SYT7: variants seen among roughly 807,000 people sequenced by gnomAD.
The protein encoded by SYT7 is synaptotagmin 7.
In SYT7, 29 loss-of-function variants were observed where a neutral mutation model predicts 75.1. The ratio of observed to expected loss-of-function variants is 0.39; its 90% CI spans 0.29 to 0.53. The LOEUF is 0.53. Among genes scored for constraint, SYT7 ranks in the 20% least tolerant of loss-of-function variants. SYT7 has a pLI of 0.77. For missense variants in SYT7, 693 were observed against 953.2 expected (o/e 0.73, Z 3.59); for synonymous variants, 376 against 401.7 (o/e 0.94, Z 0.76).
chr11:61,546,350 G>T lies in SYT7; in HGVS notation c.348-95C>A. The T allele has an allele frequency of 1.3e-6, 1 of 787,722 alleles. No individual in the cohort carries two copies. Among genetic ancestry groups the T allele is most frequent in the Non-Finnish European group, 1.9e-6 (1 of 523,622 alleles). 48.8% of individuals were successfully genotyped at this position (787,722 alleles called of 1,614,324 possible). A position where few individuals can be genotyped will look rare whatever the true frequency, so the allele number is the denominator to read the frequency against. ...CATACGTGGGGGTCGGGGGGTGGAA[G>T]AGGAAGAAAAACAATAACAGATAAA... On this transcript the variant is annotated intron_variant, in intron 4 of 12. Coordinates refer to ENST00000539008, the MANE Select transcript of SYT7 (RefSeq NM_001365809.2). This position sits in a 1 kb window ranked among gnomAD's most constrained non-coding sequence, Gnocchi z 7.6.
intron 3 of SYT7, 40 bp from the exon 4 acceptor site, chr11:61,547,348 CAAG>C (rs934927663): frequency 3.3e-6 from 5 of 1,531,796 alleles, no homozygotes; most frequent in Admixed American, 4.0e-5. Flanking sequence ...CAGGGAGATA[CAAG>C]AAGAAACAAG....
At chr11:61,547,794 C>T (rs1198975209) in intron 3 of SYT7, among the ~76,000 whole-genome samples, 1 of 152,196 alleles carries the variant, frequency 6.6e-6, no homozygotes, top group East Asian at 1.9e-4. Flanking sequence ...CTCTCCTGGC[C>T]TCAGTTTCCC....
At position 61,571,184 on chromosome 11, in the gene SYT7, C is replaced by T. The variant is rs146950277; in HGVS notation, c.31+9606G>A. Reference sequence around the variant, plus strand: ...AAGAACCCTCTCAGCCCCTGCTTGGCGCCCCAGCGATGTGTGCCCATGTGC... The same window carrying T: ...AAGAACCCTCTCAGCCCCTGCTTGGTGCCCCAGCGATGTGTGCCCATGTGC... On this transcript the variant is annotated intron_variant, in intron 1 of 12. Transcript: ENST00000539008. Among the ~76,000 whole-genome samples the T allele has an allele frequency of 3.0e-3, 459 of 152,324 alleles. 1 individual carries two copies. The highest frequency in any genetic ancestry group is 4.5e-3 in the Non-Finnish European group (308 of 68,034).
intron 8 of SYT7, among the ~76,000 whole-genome samples, chr11:61,532,494 C>T (rs1048717754): frequency 3.3e-5 from 5 of 152,274 alleles, no homozygotes; most frequent in African/African-American, 9.6e-5. Context: ...TGGATTCCTG[C>T]TCTCCTGTTC....
intron 8 of SYT7, chr11:61,531,126 G>A: frequency 1.0e-6 from 1 of 985,434 alleles, no homozygotes; most frequent in Non-Finnish European, 1.2e-6. Context: ...GGTCACAGTG[G>A]GCTGATTCTG....
At chr11:61,528,973 G>A (rs774947891) in intron 8 of SYT7, among the ~76,000 whole-genome samples, 19 of 152,268 alleles carry the variant, frequency 1.2e-4, no homozygotes, top group Admixed American at 3.3e-4. Context: ...ATCTCATCCC[G>A]TTCTGACATT....
In SYT7 at chr11:61,517,414, G is replaced by C; in HGVS notation, c.*1213C>G. On this transcript the variant is annotated 3_prime_UTR_variant, in exon 13 of 13. Transcript: ENST00000539008. ...AGAAGGAGCTGCTCCCGGGGACCAGGGAGTGGGGAAGGGTGAGAAGACAGT... is the reference window on the plus strand; with the variant it reads ...AGAAGGAGCTGCTCCCGGGGACCAGCGAGTGGGGAAGGGTGAGAAGACAGT... 2.5e-6 allele frequency: 1 copy of C among 398,864 alleles called. No individual in the cohort carries two copies. 24.7% of individuals were successfully genotyped at this position (398,864 alleles called of 1,614,324 possible).
At chr11:61,565,600 G>C (rs1280644633) in intron 1 of SYT7, among the ~76,000 whole-genome samples, 1 of 152,066 alleles carries the variant, frequency 6.6e-6, no homozygotes, top group Non-Finnish European at 1.5e-5. Flanking sequence ...AGGCGAGAAG[G>C]AAAAAAGAAT....
chr11:61,515,510 T>A lies in SYT7; in HGVS notation c.*3117A>T, dbSNP rs1489605291. ...TCTTCATTTCTCTTCGCTGCAAAAT[T>A]TTTTTTTTTGTGATGGTGGGTTTTT... On this transcript the variant is annotated 3_prime_UTR_variant, in exon 13 of 13. Coordinates refer to ENST00000539008, the MANE Select transcript of SYT7 (RefSeq NM_001365809.2). The A allele has an allele frequency of 6.7e-6, 1 of 148,344 alleles. No individual in the cohort carries two copies. The highest frequency in any genetic ancestry group is 2.6e-5 in the African/African-American group (1 of 38,490). The allele number at this position is 148,344 out of a possible 1,614,324, so 9.2% of individuals were successfully genotyped here.
intron 1 of SYT7, among the ~76,000 whole-genome samples, chr11:61,563,687 G>T (rs1176817285): frequency 6.6e-6 from 1 of 152,070 alleles, no homozygotes; most frequent in Non-Finnish European, 1.5e-5. Context: ...ATGATGCTTT[G>T]CCTAGGCTGT....
rs991193166 is a variant in SYT7 at position 61,553,766 on chromosome 11, C to G, written c.136-2303G>C. On this transcript the variant is annotated intron_variant, in intron 2 of 12. Coordinates refer to ENST00000539008, the MANE Select transcript of SYT7 (RefSeq NM_001365809.2). This position sits in a 1 kb window ranked among gnomAD's most constrained non-coding sequence, Gnocchi z 5.2. Reference sequence around the variant, plus strand: ...GCCAGGCTGATCCGGAAAAAGCCAGCTGGAGATTAAGGAAGTTATTAATGT... The same window carrying G: ...GCCAGGCTGATCCGGAAAAAGCCAGGTGGAGATTAAGGAAGTTATTAATGT... Among the ~76,000 whole-genome samples the G allele has an allele frequency of 6.6e-6, 1 of 152,316 alleles. No homozygotes were observed. Among genetic ancestry groups the G allele is most frequent in the Middle Eastern group, 3.4e-3 (1 of 294 alleles).
At chr11:61,586,779 T>A in the SYT7 span, among the ~76,000 whole-genome samples, 1 of 152,076 alleles carries the variant, frequency 6.6e-6, no homozygotes, top group Non-Finnish European at 1.5e-5. Flanking sequence ...CTTTTGGGTG[T>A]GGGGGAAGAG....
chr11:61,525,592 C>A (rs980636812), intron 9 of SYT7: 1 of 152,038 alleles, frequency 6.6e-6, no homozygotes, highest in Non-Finnish European at 1.5e-5. Context: ...CCTTTTTTTC[C>A]GCAAAACATA....
At chr11:61,582,639 G>A (rs2064303920), upstream of SYT7, among the ~76,000 whole-genome samples, 1 of 152,200 alleles carries the variant, frequency 6.6e-6, no homozygotes, top group East Asian at 1.9e-4. Context: ...TCCTGGGAAT[G>A]AATGTTCTAC....
intron 6 of SYT7, 127 bp from the exon 7 acceptor site, chr11:61,538,393 G>GAA (rs2062943690): frequency 4.5e-6 from 3 of 666,154 alleles, no homozygotes; most frequent in African/African-American, 3.7e-5. Context: ...GAGAGAAAGA[G>GAA]AGAGAGAGAG....
chr11:61,541,677 T>G (rs1484165218), intron 6 of SYT7, among the ~76,000 whole-genome samples: 2 of 62,346 alleles, frequency 3.2e-5, no homozygotes, highest in Non-Finnish European at 6.1e-5. Flanking sequence ...GTCAGAGAGA[T>G]GGGGGAGGGC....
rs1292669138 is a variant in SYT7, at chr11:61,576,907, C to G, written c.31+3883G>C. ...GGGGTCAGCCAGGAGCAGAACCCAG[C>G]TGCCCAGGGCCTGTCTTTGCTCACC... On this transcript the variant is annotated intron_variant, in intron 1 of 12. Transcript: ENST00000539008. The surrounding 1 kb of genome is among the most constrained non-coding windows in gnomAD (Gnocchi z 4.1). Among the ~76,000 whole-genome samples, 1 of 152,154 alleles carries G rather than the reference C, an allele frequency of 6.6e-6. No homozygotes were observed. The highest frequency in any genetic ancestry group is 1.5e-5 in the Non-Finnish European group (1 of 68,022).
Position 61,551,635 on chromosome 11 carries a change from G to A in SYT7, c.136-172C>T, listed in dbSNP as rs1316561242. Among the ~76,000 whole-genome samples, 1 of 152,132 alleles carries A rather than the reference G, an allele frequency of 6.6e-6. No individual in the cohort carries two copies. The highest frequency in any genetic ancestry group is 1.5e-5 in the Non-Finnish European group (1 of 67,994). On this transcript the variant is annotated intron_variant, in intron 2 of 12. Coordinates refer to ENST00000539008, the MANE Select transcript of SYT7 (RefSeq NM_001365809.2). The surrounding 1 kb of genome is among the most constrained non-coding windows in gnomAD (Gnocchi z 5.3). ...GTGGGGGCCAATCCCCTGGATGCCT[G>A]CTCCCCGGTTGGCAGCTCCTGGGCC...
intron 6 of SYT7, chr11:61,541,407 G>T: frequency 4.3e-6 from 3 of 693,634 alleles, no homozygotes; most frequent in Non-Finnish European, 5.3e-6. Flanking sequence ...GAGATGCTGG[G>T]GAGGGGGCTT....
Sources: allele counts gnomAD v4.1 joint callset (sites outside exome capture counted in the v4.1 genomes callset), GRCh38; gene constraint gnomAD v4.1.1; non-coding constraint Gnocchi (gnomAD v3.1); transcripts MANE v1.5; gene names NCBI Gene and HGNC (gene_info 2026-07-23, HGNC 2026-07-21).